The following ATAD2B variants were observed in gnomAD, a reference collection of about 807,000 sequenced individuals.
The protein encoded by ATAD2B is ATPase family AAA domain-containing protein 2B.
ATAD2B carries 40 observed loss-of-function variants against 167.6 expected under a neutral mutation model. The observed-to-expected ratio is 0.24, with a 90% confidence interval of 0.19 to 0.31. The LOEUF (loss-of-function observed/expected upper bound fraction) is 0.31, where lower values mean the gene tolerates loss of function less well. Among genes scored for constraint, ATAD2B ranks in the 10% least tolerant of loss-of-function variants. The pLI, the probability that ATAD2B is intolerant of heterozygous loss-of-function variation, is 1.00. For synonymous variants in ATAD2B, 579 were observed against 596.5 expected, an observed-to-expected ratio of 0.97 and a Z score of 0.43; for missense variants, 1,242 against 1,757.2, an observed-to-expected ratio of 0.71 and a Z score of 5.24.
At chr2:23,719,306 T>C in the ATAD2B span, among the ~76,000 whole-genome samples, 1 of 152,070 alleles carries the variant, frequency 6.6e-6, no homozygotes, top group African/African-American at 2.4e-5. Flanking sequence ...TGACTTGACA[T>C]ACAAGGAACT....
At chr2:23,910,560 C>A (rs559849698) in intron 1 of ATAD2B, among the ~76,000 whole-genome samples, 1 of 151,554 alleles carries the variant, frequency 6.6e-6, no homozygotes, top group South Asian at 2.1e-4. Context: ...TGAACTGCTA[C>A]GAATTTTTTT....
chr2:23,741,434 C>A, the ATAD2B span, among the ~76,000 whole-genome samples: 1 of 151,866 alleles, frequency 6.6e-6, no homozygotes, highest in Admixed American at 6.6e-5. Context: ...ACAAACCTGA[C>A]AAAAACAAGA....
the ATAD2B span, among the ~76,000 whole-genome samples, chr2:23,699,896 A>G: frequency 1.3e-5 from 2 of 152,004 alleles, no homozygotes; most frequent in African/African-American, 2.4e-5. Context: ...CAGAGATCTG[A>G]CCCTACAGAC....
intron 16 of ATAD2B, 35 bp from the exon 17 acceptor site, chr2:23,819,917 T>C: frequency 1.4e-6 from 2 of 1,463,144 alleles, no homozygotes; most frequent in Non-Finnish European, 1.8e-6. Context: ...ATGGGGCTTA[T>C]AAAGTCATTT....
At chr2:23,794,349 G>A (rs887962033) in intron 19 of ATAD2B, among the ~76,000 whole-genome samples, 1 of 152,128 alleles carries the variant, frequency 6.6e-6, no homozygotes, top group African/African-American at 2.4e-5. Flanking sequence ...TTTGTGTCTG[G>A]CTTAATGGAA....
At chr2:23,858,716 C>T (rs1693849723) in intron 12 of ATAD2B, among the ~76,000 whole-genome samples, 1 of 151,984 alleles carries the variant, frequency 6.6e-6, no homozygotes, top group African/African-American at 2.4e-5. Context: ...CTCTTGGGCT[C>T]AAGTGACCCT....
intron 13 of ATAD2B, among the ~76,000 whole-genome samples, chr2:23,844,699 T>C (rs1031879930): frequency 1.3e-5 from 2 of 152,052 alleles, no homozygotes; most frequent in African/African-American, 2.4e-5. Flanking sequence ...ACAGAAAAGA[T>C]AATTTAAAGC....
intron 1 of ATAD2B, among the ~76,000 whole-genome samples, chr2:23,911,998 G>C (rs1275791032): frequency 6.8e-6 from 1 of 146,630 alleles, no homozygotes; most frequent in Non-Finnish European, 1.5e-5. Context: ...AAAAAAAGTA[G>C]AAGATGCACA....
chr2:23,779,034 G>C (rs1679584456), intron 22 of ATAD2B, among the ~76,000 whole-genome samples: 1 of 152,116 alleles, frequency 6.6e-6, no homozygotes, highest in African/African-American at 2.4e-5. Context: ...AGTGAAATGG[G>C]GCCGACATCC....
At chr2:23,896,153 CAAAAAAA>C (rs1158562523) in intron 1 of ATAD2B, among the ~76,000 whole-genome samples, 183 bp from the exon 2 acceptor site, 7 of 125,618 alleles carry the variant, frequency 5.6e-5, no homozygotes, top group Admixed American at 8.3e-5. Flanking sequence ...CCGCCTCTAC[CAAAAAAA>C]AAAAAAAAAA....
At chr2:23,854,239 C>A (rs746450814) in intron 13 of ATAD2B, among the ~76,000 whole-genome samples, 15 of 150,830 alleles carry the variant, frequency 9.9e-5, no homozygotes, top group Non-Finnish European at 1.8e-4. Context: ...AGTGACACTC[C>A]GTCTCAAAGA....
intron 13 of ATAD2B, among the ~76,000 whole-genome samples, chr2:23,845,748 T>C (rs1344510079): frequency 6.6e-6 from 1 of 151,292 alleles, no homozygotes; most frequent in Non-Finnish European, 1.5e-5. Context: ...CCCAGCTAAT[T>C]TTTGTAGTTT....
At chr2:23,878,552 G>T (rs55682359) in intron 7 of ATAD2B, among the ~76,000 whole-genome samples, 18,163 of 151,722 alleles carry the variant, frequency 0.12, 1,117 homozygotes, top group Middle Eastern at 0.22. Flanking sequence ...CCAGCTACTC[G>T]GGAGGCTGAG....
chr2:23,904,943 C>G (rs1365565976), intron 1 of ATAD2B, among the ~76,000 whole-genome samples: 1 of 152,056 alleles, frequency 6.6e-6, no homozygotes, highest in African/African-American at 2.4e-5. Context: ...TCTACAAAGT[C>G]CTGAAATGGC....
At chr2:23,852,906 G>A (rs549045913) in intron 13 of ATAD2B, among the ~76,000 whole-genome samples, 54 of 149,180 alleles carry the variant, frequency 3.6e-4, no homozygotes, top group Admixed American at 1.6e-3. Context: ...GCGACAGAGC[G>A]AGACTCCATC....
the ATAD2B span, among the ~76,000 whole-genome samples, chr2:23,711,640 G>A: frequency 6.6e-6 from 1 of 151,938 alleles, no homozygotes; most frequent in Non-Finnish European, 1.5e-5. Flanking sequence ...CAAAATGCTG[G>A]GATTACAGGA....
chr2:23,734,188 C>T, the ATAD2B span, among the ~76,000 whole-genome samples: 2 of 152,088 alleles, frequency 1.3e-5, no homozygotes, highest in Non-Finnish European at 2.9e-5. Context: ...GACAGAGTCT[C>T]GCTCGTCACC....
chr2:23,744,809 G>A (rs1463616776), downstream of ATAD2B, among the ~76,000 whole-genome samples: 2 of 152,164 alleles, frequency 1.3e-5, no homozygotes, highest in African/African-American at 4.8e-5. Flanking sequence ...CACCAGTAAA[G>A]AAAGAAAACG....
In ATAD2B at chr2:23,752,096, G is replaced by T. The variant is rs1238194259; in HGVS notation, c.4336-9C>A. On this transcript the variant is annotated splice_polypyrimidine_tract_variant and intron_variant, in intron 27 of 27. Transcript: ENST00000238789. ...ACTGTTCTTTCCATCTCCTATAAAA[G>T]GAAAAAAAATGCATGTTATCTATTA... The T allele has an allele frequency of 6.5e-7, 1 of 1,542,148 alleles. No individual in the cohort carries two copies. The highest frequency in any genetic ancestry group is 1.4e-5 in the African/African-American group (1 of 72,908).
Sources: gnomAD v4.1 joint callset for allele counts (sites outside exome capture counted in the v4.1 genomes callset) on GRCh38, gnomAD v4.1.1 for gene constraint, MANE v1.5 for transcripts, NCBI Gene and HGNC (gene_info 2026-07-23, HGNC 2026-07-21) for gene names.